DGKI: variants seen among roughly 807,000 people sequenced by gnomAD.
The protein encoded by DGKI is diacylglycerol kinase iota, also known as DAG kinase iota.
A neutral mutation model predicts 147.5 loss-of-function variants in DGKI; 55 were observed. The ratio of observed to expected loss-of-function variants is 0.37; its 90% CI spans 0.30 to 0.47. The LOEUF (loss-of-function observed/expected upper bound fraction) is 0.47, where lower values mean the gene tolerates loss of function less well. DGKI is among the 20% of genes least tolerant of loss of function. The probability of loss-of-function intolerance (pLI) is 1.00; values close to 1 mark genes in which losing one functional copy is unlikely to be tolerated. For missense variants in DGKI, 1,007 were observed against 1,323.8 expected, an observed-to-expected ratio of 0.76 and a Z score of 3.71; for synonymous variants, 469 against 477.1, an observed-to-expected ratio of 0.98 and a Z score of 0.22.
chr7:137,521,459 T>C (rs1816957876), intron 21 of DGKI, among the ~76,000 whole-genome samples: 1 of 152,076 alleles, frequency 6.6e-6, no homozygotes, highest in African/African-American at 2.4e-5. Context: ...AATGTGCCTC[T>C]TTGCCACATC....
intron 30 of DGKI, 33 bp from the exon 31 acceptor site, chr7:137,397,446 A>G: frequency 6.2e-7 from 1 of 1,605,390 alleles, no homozygotes; most frequent in Non-Finnish European, 8.5e-7. Context: ...GACCGTCAAA[A>G]ATAAGCTCAA....
At chr7:137,800,886 C>T (rs1227386002) in intron 1 of DGKI, among the ~76,000 whole-genome samples, 2 of 152,180 alleles carry the variant, frequency 1.3e-5, no homozygotes, top group South Asian at 2.1e-4. Context: ...TCCTCAATAA[C>T]TATATACTCA....
intron 1 of DGKI, among the ~76,000 whole-genome samples, chr7:137,799,438 C>T (rs1483984168): frequency 6.6e-6 from 1 of 152,096 alleles, no homozygotes; most frequent in Non-Finnish European, 1.5e-5. Flanking sequence ...GATAGTCAAA[C>T]TCTGTGAACA....
At chr7:137,461,100 T>C (rs553889716) in intron 27 of DGKI, among the ~76,000 whole-genome samples, 1 of 152,316 alleles carries the variant, frequency 6.6e-6, no homozygotes, top group South Asian at 2.1e-4. Flanking sequence ...CTTTTCACTG[T>C]ACAAATGTAA....
Position 137,487,675 on chromosome 7 carries a change from TAC to T in DGKI, c.2261_2262del (p.Gly754AspfsTer9). 1 of 1,613,654 alleles carries T rather than the reference TAC, an allele frequency of 6.2e-7. No individual in the cohort carries two copies. The highest frequency in any genetic ancestry group is 8.5e-7 in the Non-Finnish European group (1 of 1,179,652). ...TCACAGTCTCCACGCACAACTAGAA[TAC>T]CCAGAGGTATCGCTAAGGGTGAAGG... The part of the protein sequence containing the change: ...EKLREASIPL[G>X]ILVVRGDCDL... On this transcript the variant is annotated frameshift_variant, in exon 22 of 33. Coordinates refer to ENST00000614521, the MANE Select transcript of DGKI (RefSeq NM_001321708.2). LOFTEE classifies it high-confidence loss of function.
intron 20 of DGKI, among the ~76,000 whole-genome samples, chr7:137,551,422 C>T (rs1451555465): frequency 1.3e-5 from 2 of 152,170 alleles, no homozygotes; most frequent in Non-Finnish European, 2.9e-5. Context: ...ACAGGCACCA[C>T]AAGGAAGCCA....
chr7:137,747,111 A>AT (rs368590475), intron 1 of DGKI, among the ~76,000 whole-genome samples: 49 of 151,884 alleles, frequency 3.2e-4, no homozygotes, highest in Admixed American at 1.1e-3. Flanking sequence ...GTGTAATCCT[A>AT]TTTTTTTTAA....
rs138998656 is a variant in DGKI, at chr7:137,422,094, G to A, written c.2762-9887C>T. Among the ~76,000 whole-genome samples, 4 of 152,338 alleles carry A rather than the reference G, an allele frequency of 2.6e-5. No individual in the cohort carries two copies. The East Asian group carries it at 7.7e-4, about 29-fold the overall frequency. On this transcript the variant is annotated intron_variant, in intron 28 of 32. Transcript: ENST00000614521. The stretch of plus-strand genomic sequence containing the variant: ...TGAGTCAACTCAGAGCTGTATATCA[G>A]CAATGATACTTGTTACTTCCTAGAA...
chr7:137,691,368 G>C (rs1823597276), intron 1 of DGKI, among the ~76,000 whole-genome samples: 1 of 152,122 alleles, frequency 6.6e-6, no homozygotes, highest in Non-Finnish European at 1.5e-5. Flanking sequence ...TCTCTGAGAT[G>C]AGGCCTGCAG....
intron 21 of DGKI, among the ~76,000 whole-genome samples, chr7:137,510,486 A>T (rs1816543871): frequency 6.6e-6 from 1 of 152,252 alleles, no homozygotes; most frequent in Admixed American, 6.5e-5. Context: ...GAGGGAGATA[A>T]CAAAGGCTTG....
At chr7:137,797,548 CAG>C (rs1006991039) in intron 1 of DGKI, among the ~76,000 whole-genome samples, 1 of 151,968 alleles carries the variant, frequency 6.6e-6, no homozygotes, top group Non-Finnish European at 1.5e-5. Flanking sequence ...GAGAAGGAAA[CAG>C]AGCTGTATAT....
chr7:137,552,680 A>C, intron 19 of DGKI, 112 bp from the exon 20 acceptor site: 1 of 1,107,592 alleles, frequency 9.0e-7, no homozygotes, highest in East Asian at 2.4e-5. Flanking sequence ...AGACCAAGGC[A>C]GGTGGATCAC....
intron 1 of DGKI, among the ~76,000 whole-genome samples, chr7:137,817,921 T>C (rs1797786548): frequency 6.6e-6 from 1 of 152,260 alleles, no homozygotes; most frequent in Admixed American, 6.5e-5. Flanking sequence ...CACTATGTAC[T>C]AGTACGAACT....
At chr7:137,677,814 C>T (rs1168787508) in intron 3 of DGKI, among the ~76,000 whole-genome samples, 1 of 152,122 alleles carries the variant, frequency 6.6e-6, no homozygotes, top group East Asian at 1.9e-4. Context: ...CTTTACTATC[C>T]TAAGCTTCCC....
At chr7:137,686,636 A>C (rs1259141858) in intron 2 of DGKI, among the ~76,000 whole-genome samples, 1 of 152,198 alleles carries the variant, frequency 6.6e-6, no homozygotes, top group African/African-American at 2.4e-5. Context: ...TAAAAATGGA[A>C]TGCTTAAAGA....
At chr7:137,569,715 T>G (rs1818722439) in intron 19 of DGKI, among the ~76,000 whole-genome samples, 1 of 88,952 alleles carries the variant, frequency 1.1e-5, no homozygotes, top group Non-Finnish European at 2.1e-5. Flanking sequence ...GGCAACAGAG[T>G]GAGACTCTGT....
At chr7:137,484,451 A>G (rs1221206760) in intron 23 of DGKI, among the ~76,000 whole-genome samples, 1 of 152,056 alleles carries the variant, frequency 6.6e-6, no homozygotes, top group Non-Finnish European at 1.5e-5. Flanking sequence ...GAAGAGATTT[A>G]TTTGGAGAGA....
At position 137,662,162 on chromosome 7, in the gene DGKI, G is replaced by C. The variant is rs546294671; in HGVS notation, c.607-5622C>G. On this transcript the variant is annotated intron_variant, in intron 3 of 32. Coordinates refer to ENST00000614521, the MANE Select transcript of DGKI (RefSeq NM_001321708.2). ...CCGACCTCCACCATCACTCATGCAGGCTTCCCTTTTTCTTCAAAGGAATAT... is the reference window on the plus strand; with the variant it reads ...CCGACCTCCACCATCACTCATGCAGCCTTCCCTTTTTCTTCAAAGGAATAT... 4.0e-5 allele frequency among the ~76,000 whole-genome samples: 6 copies of C among 151,780 alleles called. No homozygotes were observed. In the South Asian group the frequency reaches 1.3e-3, roughly 32 times the overall value.
intron 20 of DGKI, among the ~76,000 whole-genome samples, chr7:137,548,254 G>T (rs1360007477): frequency 6.6e-6 from 1 of 152,168 alleles, no homozygotes; most frequent in Non-Finnish European, 1.5e-5. Context: ...AAAGACTTGG[G>T]AAATAAACAG....
Sources: allele counts gnomAD v4.1 joint callset (sites outside exome capture counted in the v4.1 genomes callset), GRCh38; gene constraint gnomAD v4.1.1; transcripts MANE v1.5; gene names NCBI Gene and HGNC (gene_info 2026-07-23, HGNC 2026-07-21).